The following IFTAP variants were observed in gnomAD, a reference collection of about 807,000 sequenced individuals.
IFTAP encodes intraflagellar transport associated protein, also known as intraflagellar transport-associated protein.
In IFTAP, 19 loss-of-function variants were observed where a neutral mutation model predicts 19.4. The observed-to-expected ratio is 0.98, with a 90% CI of 0.68 to 1.44. The LOEUF is 1.44. IFTAP is among the 40% of genes most tolerant of loss of function. The pLI, the probability that IFTAP is intolerant of heterozygous loss-of-function variation, is 0.00. For missense variants in IFTAP, 240 were observed against 253.6 expected (o/e 0.95, Z 0.36); for synonymous variants, 85 against 83.5 (o/e 1.02, Z -0.10).
intron 4 of IFTAP, among the ~76,000 whole-genome samples, chr11:36,637,930 G>A (rs1357586396): frequency 6.6e-6 from 1 of 151,146 alleles, no homozygotes; most frequent in Non-Finnish European, 1.5e-5. Flanking sequence ...GCCCAGGCTG[G>A]AGTGCAATGG....
Position 36,659,051 on chromosome 11 carries a change from T to G in IFTAP, c.531T>G (p.Leu177=), listed in dbSNP as rs1308662009. ...ILGDEVQLFS[L]DEEFDYDNVM... is the part of the protein sequence containing the mutation. Reference sequence around the variant, plus strand: ...GAGATGAAGTTCAACTTTTTTCACTTGATGAAGAATTTGATTATGACAATG... The same window carrying G: ...GAGATGAAGTTCAACTTTTTTCACTGGATGAAGAATTTGATTATGACAATG... Residue 177 remains leucine, a synonymous_variant, in exon 6 of 6, where the codon CTT becomes CTG. Coordinates refer to ENST00000334307, the MANE Select transcript of IFTAP (RefSeq NM_138787.4). 2 of 1,602,884 alleles carry G rather than the reference T, an allele frequency of 1.2e-6. No individual in the cohort carries two copies. Among genetic ancestry groups the G allele is most frequent in the South Asian group, 2.3e-5 (2 of 88,264 alleles).
intron 1 of IFTAP, among the ~76,000 whole-genome samples, chr11:36,604,385 C>T (rs1036145304): frequency 2.0e-5 from 3 of 152,108 alleles, no homozygotes; most frequent in Non-Finnish European, 2.9e-5. Flanking sequence ...TGAAGTGCAG[C>T]GTATACCTTG....
At chr11:36,608,276 G>A (rs1235950096) in intron 1 of IFTAP, among the ~76,000 whole-genome samples, 1 of 152,112 alleles carries the variant, frequency 6.6e-6, no homozygotes, top group Non-Finnish European at 1.5e-5. Context: ...GATACTTAAA[G>A]GTTTTTAGAA....
intron 4 of IFTAP, among the ~76,000 whole-genome samples, chr11:36,644,696 G>T (rs945341453): frequency 6.6e-6 from 1 of 152,056 alleles, no homozygotes; most frequent in Non-Finnish European, 1.5e-5. Context: ...CATGTCCTTT[G>T]CAGGGACATG....
intron 4 of IFTAP, 114 bp downstream of exon 4, chr11:36,636,231 G>A: frequency 1.1e-5 from 8 of 735,484 alleles, no homozygotes; most frequent in South Asian, 3.5e-5. Context: ...TCCTAAGACA[G>A]GAAGAACTAA....
chr11:36,652,468 T>C (rs1037312353), intron 5 of IFTAP, among the ~76,000 whole-genome samples: 2 of 152,186 alleles, frequency 1.3e-5, no homozygotes, highest in Non-Finnish European at 2.9e-5. Context: ...ACGATGGGGT[T>C]TTCTAGATAG....
At chr11:36,628,648 C>T (rs1590217101) in intron 2 of IFTAP, among the ~76,000 whole-genome samples, 1 of 151,204 alleles carries the variant, frequency 6.6e-6, no homozygotes, top group Admixed American at 6.6e-5. Flanking sequence ...ACTCAGCCAC[C>T]ACACAGAATT....
intron 4 of IFTAP, among the ~76,000 whole-genome samples, chr11:36,642,228 C>T (rs555140802): frequency 7.9e-5 from 12 of 152,268 alleles, no homozygotes; most frequent in African/African-American, 2.9e-4. Flanking sequence ...ACTATAAACA[C>T]CTCTACACAA....
At chr11:36,624,120 T>C (rs1852416525) in intron 2 of IFTAP, among the ~76,000 whole-genome samples, 1 of 152,142 alleles carries the variant, frequency 6.6e-6, no homozygotes, top group Admixed American at 6.6e-5. Context: ...AAATGCTTTT[T>C]TGCCTCTTCA....
intron 1 of IFTAP, among the ~76,000 whole-genome samples, chr11:36,599,514 G>A (rs1291641505): frequency 6.6e-6 from 1 of 152,058 alleles, no homozygotes; most frequent in East Asian, 1.9e-4. Flanking sequence ...AAGGATTAAT[G>A]GATTAAAATG....
intron 1 of IFTAP, chr11:36,597,669 A>C (rs369341166): frequency 1.1e-4 from 16 of 152,170 alleles, no homozygotes; most frequent in African/African-American, 3.6e-4. Flanking sequence ...TGAAACATTA[A>C]ATCTTGCTGA....
At chr11:36,597,173 C>G (rs1406435421) in intron 1 of IFTAP, among the ~76,000 whole-genome samples, 1 of 152,158 alleles carries the variant, frequency 6.6e-6, no homozygotes, top group Non-Finnish European at 1.5e-5. Flanking sequence ...AAAGTGTTTT[C>G]ACATGATTTT....
intron 1 of IFTAP, among the ~76,000 whole-genome samples, chr11:36,599,058 A>G (rs1169865755): frequency 2.0e-5 from 3 of 151,974 alleles, no homozygotes; most frequent in Non-Finnish European, 4.4e-5. Context: ...CAGTGGTACG[A>G]TCTTGGCTCA....
chr11:36,631,045 C>CT (rs1590218716), intron 2 of IFTAP, among the ~76,000 whole-genome samples: 1 of 151,538 alleles, frequency 6.6e-6, no homozygotes, highest in East Asian at 1.9e-4. Flanking sequence ...GTCAGGGAGA[C>CT]TAAGTCCTAA....
chr11:36,655,959 G>A (rs1285363707), intron 5 of IFTAP, among the ~76,000 whole-genome samples: 1 of 152,070 alleles, frequency 6.6e-6, no homozygotes, highest in Non-Finnish European at 1.5e-5. Context: ...AGAGAAGAAT[G>A]TAAATGTATT....
At chr11:36,633,933 T>C (rs1030376702) in intron 3 of IFTAP, among the ~76,000 whole-genome samples, 12 of 152,174 alleles carry the variant, frequency 7.9e-5, no homozygotes, top group Admixed American at 4.6e-4. Context: ...GATTTTTAAT[T>C]ATCAAGGAAT....
chr11:36,622,495 G>A (rs541011244), intron 2 of IFTAP, among the ~76,000 whole-genome samples: 8 of 152,108 alleles, frequency 5.3e-5, no homozygotes, highest in Non-Finnish European at 1.2e-4. Context: ...GGCAGGGCCA[G>A]TGTAATGGGA....
In IFTAP at chr11:36,636,120, A is replaced by G. The variant is rs745634257; in HGVS notation, c.358+3A>G. Reference sequence around the variant, plus strand: ...GATTAAACCCCAAATGAGTGAGGGTATGCTTTCTATTTCCTTTCTATACTA... The same window carrying G: ...GATTAAACCCCAAATGAGTGAGGGTGTGCTTTCTATTTCCTTTCTATACTA... On this transcript the variant is annotated splice_donor_region_variant and intron_variant, in intron 4 of 5. Coordinates refer to ENST00000334307, the MANE Select transcript of IFTAP (RefSeq NM_138787.4). 1 of 1,602,576 alleles carries G rather than the reference A, an allele frequency of 6.2e-7. No homozygotes were observed.
At chr11:36,649,601 T>C (rs1271424429) in intron 5 of IFTAP, among the ~76,000 whole-genome samples, 5 of 152,076 alleles carry the variant, frequency 3.3e-5, no homozygotes, top group African/African-American at 1.2e-4. Context: ...TACAAAGTGG[T>C]TTTAATTAAT....
Sources: allele counts gnomAD v4.1 joint callset (sites outside exome capture counted in the v4.1 genomes callset), GRCh38; gene constraint gnomAD v4.1.1; transcripts MANE v1.5; gene names NCBI Gene and HGNC (gene_info 2026-07-23, HGNC 2026-07-21).